The following MACROD2 variants were observed in gnomAD, a reference collection of about 807,000 sequenced individuals.
The protein encoded by MACROD2 is ADP-ribose glycohydrolase MACROD2.
In MACROD2, 36 loss-of-function variants were observed where a neutral mutation model predicts 70.4. The observed-to-expected ratio is 0.51, with a 90% CI of 0.39 to 0.68. The LOEUF (loss-of-function observed/expected upper bound fraction) is 0.68. Ranked by LOEUF, MACROD2 falls within the 30% of genes least tolerant of loss-of-function variation. The pLI, the probability that MACROD2 is intolerant of heterozygous loss-of-function variation, is 0.00. For synonymous variants in MACROD2, 172 were observed against 178.8 expected (o/e 0.96, Z 0.30); for missense variants, 496 against 538.4 (o/e 0.92, Z 0.78).
intron 3 of MACROD2, among the ~76,000 whole-genome samples, chr20:14,234,376 T>C (rs1313610145): frequency 6.6e-6 from 1 of 152,208 alleles, no homozygotes; most frequent in Non-Finnish European, 1.5e-5. Flanking sequence ...ATTCCAAGGT[T>C]TTCCACACAT....
At chr20:14,794,122 G>A (rs1486302936) in intron 5 of MACROD2, among the ~76,000 whole-genome samples, 2 of 152,040 alleles carry the variant, frequency 1.3e-5, no homozygotes, top group African/African-American at 4.8e-5. Context: ...GTCCAGATTT[G>A]CAGGATTACA....
chr20:15,678,539 T>A (rs992263676), intron 8 of MACROD2, among the ~76,000 whole-genome samples: 1 of 152,100 alleles, frequency 6.6e-6, no homozygotes, highest in Non-Finnish European at 1.5e-5. Context: ...TTTTGTATTT[T>A]TAGTAGAGAC....
intron 8 of MACROD2, among the ~76,000 whole-genome samples, chr20:15,667,305 T>C (rs939886847): frequency 6.6e-6 from 1 of 152,186 alleles, no homozygotes; most frequent in Non-Finnish European, 1.5e-5. Context: ...CCTTCCGCTG[T>C]GAGTAAAATC....
chr20:15,366,907 T>G (rs976727941), intron 6 of MACROD2, among the ~76,000 whole-genome samples: 1 of 152,140 alleles, frequency 6.6e-6, no homozygotes, highest in Non-Finnish European at 1.5e-5. Context: ...TGTTGTCCCA[T>G]CCTTCATAAC....
At chr20:14,003,274 T>G (rs1371006032) in intron 2 of MACROD2, among the ~76,000 whole-genome samples, 1 of 152,100 alleles carries the variant, frequency 6.6e-6, no homozygotes, top group African/African-American at 2.4e-5. Flanking sequence ...GATTAGGCCT[T>G]GGTGTCTGTG....
intron 3 of MACROD2, among the ~76,000 whole-genome samples, chr20:14,123,471 G>T: frequency 6.6e-6 from 1 of 152,096 alleles, no homozygotes; most frequent in East Asian, 1.9e-4. Context: ...AGACAACTAA[G>T]ACCCCAGCTC....
At chr20:14,135,363 G>C (rs2054780797) in intron 3 of MACROD2, among the ~76,000 whole-genome samples, 1 of 152,126 alleles carries the variant, frequency 6.6e-6, no homozygotes, top group Admixed American at 6.5e-5. Flanking sequence ...GAAAATCAGT[G>C]TAATTAATCA....
At chr20:15,529,197 C>T (rs1458322642) in intron 8 of MACROD2, among the ~76,000 whole-genome samples, 1 of 152,038 alleles carries the variant, frequency 6.6e-6, no homozygotes, top group Non-Finnish European at 1.5e-5. Context: ...AGTTCTTGTT[C>T]TCAGTTTGAG....
rs80112650 is a variant in MACROD2, at chr20:15,785,530, A to G, written c.646-77215A>G. Among the ~76,000 whole-genome samples the G allele has an allele frequency of 1.6e-3, 246 of 152,298 alleles. 1 individual carries two copies. In the East Asian group the frequency reaches 0.035, roughly 22 times the overall value. ...GAGAAAAAACATAAGGCAAACAGAA[A>G]AAGAGGGTAAGTTTAGGGAGGAATT... On this transcript the variant is annotated intron_variant, in intron 8 of 17. Coordinates refer to ENST00000684519, the MANE Select transcript of MACROD2 (RefSeq NM_001351661.2).
At chr20:14,509,663 C>T (rs1293127863) in intron 4 of MACROD2, among the ~76,000 whole-genome samples, 1 of 151,866 alleles carries the variant, frequency 6.6e-6, no homozygotes, top group East Asian at 1.9e-4. Flanking sequence ...AAATTACTTC[C>T]TACTCCTCAC....
chr20:14,820,598 G>A (rs1355903788), intron 5 of MACROD2, among the ~76,000 whole-genome samples: 3 of 151,966 alleles, frequency 2.0e-5, no homozygotes, highest in Non-Finnish European at 4.4e-5. Flanking sequence ...TCTCATCTAA[G>A]TAATATGAAT....
chr20:14,424,321 A>C (rs1178596480), intron 3 of MACROD2, among the ~76,000 whole-genome samples: 1 of 152,106 alleles, frequency 6.6e-6, no homozygotes, highest in East Asian at 1.9e-4. Flanking sequence ...CAGGTTCTAA[A>C]ATGTGACTTA....
At chr20:14,182,867 C>T (rs1430771959) in intron 3 of MACROD2, among the ~76,000 whole-genome samples, 1 of 151,718 alleles carries the variant, frequency 6.6e-6, no homozygotes, top group East Asian at 2.0e-4. Context: ...TGACTGGCTC[C>T]TTCTCATCAT....
chr20:15,937,625 C>T, intron 12 of MACROD2, 81 bp downstream of exon 12: 1 of 1,309,274 alleles, frequency 7.6e-7, no homozygotes, highest in Non-Finnish European at 1.1e-6. Context: ...AAAAATGAAG[C>T]AGCAAGTCAA....
chr20:14,876,875 A>G (rs2073557012), intron 5 of MACROD2, among the ~76,000 whole-genome samples: 1 of 152,160 alleles, frequency 6.6e-6, no homozygotes, highest in Non-Finnish European at 1.5e-5. Context: ...GTCTTACAAT[A>G]TACTTAAAAG....
chr20:14,228,397 G>A (rs1396762957), intron 3 of MACROD2, among the ~76,000 whole-genome samples: 2 of 151,014 alleles, frequency 1.3e-5, no homozygotes, highest in Non-Finnish European at 2.9e-5. Flanking sequence ...GAGTGCAGTG[G>A]CGTGATCTCG....
chr20:15,077,376 T>C lies in MACROD2; in HGVS notation c.419-152564T>C, dbSNP rs180742712. ...CGACAAAAATCAGTATATCCAAGTA[T>C]GAATGAGTAGGGAAAAAAAGTTATT... On this transcript the variant is annotated intron_variant, in intron 5 of 17. Transcript: ENST00000684519. Among the ~76,000 whole-genome samples, 12 of 152,284 alleles carry C rather than the reference T, an allele frequency of 7.9e-5. No individual in the cohort carries two copies. The East Asian group carries it at 2.1e-3, about 27-fold the overall frequency.
In MACROD2 at chr20:15,577,182, T is replaced by A. The variant is rs867264805; in HGVS notation, c.645+77335T>A. Among the ~76,000 whole-genome samples the A allele has an allele frequency of 1.2e-3, 186 of 151,918 alleles. 1 individual carries two copies. Among genetic ancestry groups the A allele is most frequent in the African/African-American group, 4.4e-3 (182 of 41,380 alleles). On this transcript the variant is annotated intron_variant, in intron 8 of 17. Transcript: ENST00000684519. ...CCTACTCCTTTGTCTTCAGAAGCAA[T>A]CACTCTTTTTTTTTTTAACTTTTTA...
At chr20:14,801,786 T>A (rs565961957) in intron 5 of MACROD2, among the ~76,000 whole-genome samples, 1 of 152,156 alleles carries the variant, frequency 6.6e-6, no homozygotes, top group South Asian at 2.1e-4. Context: ...TACTGTTCTA[T>A]GAAAAAGGAA....
Sources: allele counts gnomAD v4.1 joint callset (sites outside exome capture counted in the v4.1 genomes callset), GRCh38; gene constraint gnomAD v4.1.1; transcripts MANE v1.5; gene names NCBI Gene and HGNC (gene_info 2026-07-23, HGNC 2026-07-21).